The following C6orf118 variants were observed in gnomAD, a reference collection of about 807,000 sequenced individuals.
C6orf118 encodes the protein chromosome 6 open reading frame 118, also known as uncharacterized protein C6orf118.
Under a neutral mutation model 50.2 loss-of-function variants are expected in C6orf118, and 50 were observed. That is an observed-to-expected ratio of 1.00 (90% CI 0.79 to 1.26). The LOEUF (loss-of-function observed/expected upper bound fraction) is 1.26, where lower values mean the gene tolerates loss of function less well. Ranked by LOEUF, C6orf118 falls within the 50% of genes most tolerant of loss-of-function variation. The pLI is 0.00. For synonymous variants in C6orf118, 239 were observed against 230.9 expected (o/e 1.03, Z -0.32); for missense variants, 641 against 578.7 (o/e 1.11, Z -1.10).
intron 7 of C6orf118, among the ~76,000 whole-genome samples, chr6:165,285,279 T>G (rs1779862581): frequency 6.6e-6 from 1 of 152,156 alleles, no homozygotes; most frequent in South Asian, 2.1e-4. Context: ...CCTAAATATA[T>G]ATGCACCCAG....
Position 165,301,833 on chromosome 6 carries a change from A to G in C6orf118, c.489T>C (p.Pro163=). 3 of 1,613,836 alleles carry G rather than the reference A, an allele frequency of 1.9e-6. No individual in the cohort carries two copies. Among genetic ancestry groups the G allele is most frequent in the Non-Finnish European group, 2.5e-6 (3 of 1,179,964 alleles). The change falls in exon 2 of 9, where the codon CCT becomes CCC. Residue 163 remains proline, a synonymous_variant. Transcript: ENST00000230301. ...GCCATCCAGGAGGGCCCCGTCCAGG[A>G]GGGCCTCCTTTCTTTTCTTCCTTCC... ...REGKEEKKGG[P]PGRGPPGWRR... is the part of the protein sequence containing the mutation.
chr6:165,297,394 T>C (rs930694183), intron 5 of C6orf118, among the ~76,000 whole-genome samples: 11 of 138,856 alleles, frequency 7.9e-5, no homozygotes, highest in African/African-American at 3.0e-4. Context: ...ACAGAGCAAG[T>C]CTCCATTAAA....
chr6:165,288,707 T>C (rs1241653590), intron 7 of C6orf118, among the ~76,000 whole-genome samples: 1 of 152,106 alleles, frequency 6.6e-6, no homozygotes, highest in Non-Finnish European at 1.5e-5. Context: ...CACCACGTGT[T>C]CTCACTTATA....
intron 1 of C6orf118, among the ~76,000 whole-genome samples, chr6:165,309,324 G>A (rs1264893380): frequency 6.6e-6 from 1 of 152,222 alleles, no homozygotes; most frequent in Non-Finnish European, 1.5e-5. Flanking sequence ...CACACTCGCT[G>A]GCTCCCACGC....
intron 5 of C6orf118, among the ~76,000 whole-genome samples, chr6:165,294,278 A>AACAAAAAAAACC (rs1554230573): frequency 1.6e-4 from 24 of 150,264 alleles, no homozygotes; most frequent in African/African-American, 5.5e-4. Flanking sequence ...CAAAAAAAAA[A>AACAAAAAAAACC]AAAGTAAATA....
chr6:165,294,254 CAAA>C (rs71026682), intron 5 of C6orf118, among the ~76,000 whole-genome samples: 1 of 122,800 alleles, frequency 8.1e-6, no homozygotes, highest in African/African-American at 3.6e-5. Context: ...TTTAAAAAAG[CAAA>C]AAAAAAAAAA....
At chr6:165,303,139 A>C (rs945752212) in intron 1 of C6orf118, among the ~76,000 whole-genome samples, 3 of 152,228 alleles carry the variant, frequency 2.0e-5, no homozygotes, top group African/African-American at 7.2e-5. Flanking sequence ...CTCCTCAGAG[A>C]AACTTCCTCT....
At chr6:165,281,778 A>G (rs1779739177) in intron 7 of C6orf118, 85 bp from the exon 8 acceptor site, 3 of 839,082 alleles carry the variant, frequency 3.6e-6, no homozygotes, top group Non-Finnish European at 3.5e-6. Flanking sequence ...GATTATGTGA[A>G]TGATATTATA....
intron 7 of C6orf118, among the ~76,000 whole-genome samples, chr6:165,283,071 A>C (rs181290157): frequency 6.6e-6 from 1 of 152,290 alleles, no homozygotes; most frequent in East Asian, 1.9e-4. Context: ...GCCGACTAGA[A>C]GCAGCTGCTG....
rs750250177 is a variant in C6orf118, at chr6:165,301,751, C to A, written c.571G>T (p.Gly191Trp). The A allele has an allele frequency of 1.9e-6, 3 of 1,614,100 alleles. No homozygotes were observed. Among genetic ancestry groups the A allele is most frequent in the Non-Finnish European group, 8.5e-7 (1 of 1,180,030 alleles). Residue 191 changes from glycine (G) to tryptophan (W), a missense_variant, in exon 2 of 9, where the codon GGG becomes TGG. Physicochemically the swap from Gly to Trp is radical, Grantham distance 184. Coordinates refer to ENST00000230301, the MANE Select transcript of C6orf118 (RefSeq NM_144980.4). ...DLKVLCYQEA[G>W]SRGTRDRHHY... ...TGCCGGTCCCTGGTGCCTCTGGACC[C>A]GGCCTCCTGGTAGCACAGCACCTTC...
chr6:165,303,040 CA>C (rs1562337722), intron 1 of C6orf118, among the ~76,000 whole-genome samples: 1 of 152,244 alleles, frequency 6.6e-6, no homozygotes, highest in African/African-American at 2.4e-5. Flanking sequence ...TTGCCCCCTT[CA>C]TTTGCTGTTT....
chr6:165,302,589 T>A (rs748575225), intron 1 of C6orf118, among the ~76,000 whole-genome samples: 12 of 152,214 alleles, frequency 7.9e-5, no homozygotes, highest in Non-Finnish European at 1.6e-4. Context: ...GAGTATTTCT[T>A]ACAATACTAG....
chr6:165,301,573 T>C lies in C6orf118; in HGVS notation c.749A>G (p.Gln250Arg), dbSNP rs1780537695. 6.2e-7 allele frequency: 1 copy of C among 1,610,466 alleles called. No individual in the cohort carries two copies. The highest frequency in any genetic ancestry group is 1.7e-5 in the Admixed American group (1 of 59,884). Reference sequence around the variant, plus strand: ...CCGCAGGGCTGCCCTCCTCACCTGCTGCAGCTTTCTCTCGTGGCCCGCGGC... The same window carrying C: ...CCGCAGGGCTGCCCTCCTCACCTGCCGCAGCTTTCTCTCGTGGCCCGCGGC... ...KAAAGHERKL[Q>R]QELQKICTCS... is the part of the protein sequence containing the mutation. The change falls in exon 2 of 9, where the codon CAG becomes CGG. Residue 250 changes from glutamine to arginine, a missense_variant. Coordinates refer to ENST00000230301, the MANE Select transcript of C6orf118 (RefSeq NM_144980.4).
In C6orf118 at chr6:165,280,109, C is replaced by A. The variant is rs142050027; in HGVS notation, c.1358G>T (p.Gly453Val). 1,966 of 1,600,536 alleles carry A rather than the reference C, an allele frequency of 1.2e-3. 27 individuals carry two copies. The African/African-American group carries it at 0.024, about 19-fold the overall frequency. ...AATTCCTTGATAAATTTCCAAAGGC[C>A]CCTTAAAATACATAAGAAATGAATA... ...ENMILKKKIK[G>V]PLEIYQGICK... Residue 453 changes from glycine to valine, a missense_variant and splice_region_variant, in exon 9 of 9, where the codon GGG becomes GTG. Coordinates refer to ENST00000230301, the MANE Select transcript of C6orf118 (RefSeq NM_144980.4).
At chr6:165,300,601 C>T (rs942693284) in intron 2 of C6orf118, 115 bp from the exon 3 acceptor site, 10 of 926,154 alleles carry the variant, frequency 1.1e-5, no homozygotes, top group East Asian at 2.6e-5. Context: ...GTGGGCGGGG[C>T]GGCACAGGGG....
chr6:165,299,546 GC>G, intron 3 of C6orf118, 44 bp from the exon 4 acceptor site: 2 of 1,485,394 alleles, frequency 1.3e-6, no homozygotes, highest in Non-Finnish European at 1.9e-6. Flanking sequence ...GTATGAGGAG[GC>G]CACAGTGCAG....
chr6:165,293,850 T>C (rs2128159978), intron 5 of C6orf118, among the ~76,000 whole-genome samples: 1 of 152,322 alleles, frequency 6.6e-6, no homozygotes, highest in Non-Finnish European at 1.5e-5. Flanking sequence ...TTAAGGGCTA[T>C]GGAAAGACTT....
intron 7 of C6orf118, among the ~76,000 whole-genome samples, chr6:165,286,724 T>A (rs1300487062): frequency 6.6e-6 from 1 of 151,994 alleles, no homozygotes; most frequent in East Asian, 1.9e-4. Flanking sequence ...AAATTCAACA[T>A]CCCTGCATGT....
At chr6:165,285,447 G>A (rs541724662) in intron 7 of C6orf118, among the ~76,000 whole-genome samples, 1 of 152,184 alleles carries the variant, frequency 6.6e-6, no homozygotes, top group African/African-American at 2.4e-5. Context: ...CAGATCAAGT[G>A]GACCTGATAG....
Sources: allele counts gnomAD v4.1 joint callset (sites outside exome capture counted in the v4.1 genomes callset), GRCh38; gene constraint gnomAD v4.1.1; transcripts MANE v1.5; gene names NCBI Gene and HGNC (gene_info 2026-07-23, HGNC 2026-07-21).